The following KCNAB1 variants were observed in gnomAD, a reference collection of about 807,000 sequenced individuals.
KCNAB1 encodes voltage-gated potassium channel subunit beta-1.
KCNAB1 carries 35 observed loss-of-function variants against 64.6 expected under a neutral mutation model. That is an observed-to-expected ratio of 0.54 (90% CI 0.41 to 0.72). The LOEUF (loss-of-function observed/expected upper bound fraction) is 0.72, where lower values mean the gene tolerates loss of function less well. Ranked by LOEUF, KCNAB1 falls within the 30% of genes least tolerant of loss-of-function variation. The pLI is 0.00. For synonymous variants in KCNAB1, 177 were observed against 183.8 expected (o/e 0.96, Z 0.30); for missense variants, 401 against 512.9 (o/e 0.78, Z 2.11).
At chr3:156,125,132 C>T (rs1481954729) in intron 1 of KCNAB1, among the ~76,000 whole-genome samples, 1 of 148,562 alleles carries the variant, frequency 6.7e-6, no homozygotes, top group Non-Finnish European at 1.5e-5. Context: ...AGCAACACTC[C>T]ACTCAAAAAA....
chr3:156,474,765 C>T lies in KCNAB1; in HGVS notation c.603C>T (p.Leu201=), dbSNP rs78612334. Residue 201 remains leucine, a synonymous_variant, in exon 8 of 14, where the codon CTC becomes CTT. Transcript: ENST00000490337. ...AGGGCTCCCTCCAGAGGCTGCAGCTCGAGTATGTGGATGTGGTCTTTGCAA... is the reference window on the plus strand; with the variant it reads ...AGGGCTCCCTCCAGAGGCTGCAGCTTGAGTATGTGGATGTGGTCTTTGCAA... The part of the protein sequence containing the change: ...GLKGSLQRLQ[L]EYVDVVFANR... 102 of 1,613,216 alleles carry T rather than the reference C, an allele frequency of 6.3e-5. No homozygotes were observed. The highest frequency in any genetic ancestry group is 2.0e-4 in the African/African-American group (15 of 74,928).
At chr3:156,515,266 G>T (rs772787025) in intron 10 of KCNAB1, 46 bp downstream of exon 10, 1 of 1,548,892 alleles carries the variant, frequency 6.5e-7, no homozygotes, top group Non-Finnish European at 8.8e-7. Flanking sequence ...ACAAGAGAAA[G>T]ATCACTGATT....
chr3:156,204,282 A>T (rs551533921), intron 1 of KCNAB1, among the ~76,000 whole-genome samples: 1 of 152,176 alleles, frequency 6.6e-6, no homozygotes, highest in Non-Finnish European at 1.5e-5. Flanking sequence ...CCTCCTACTC[A>T]TCGCTGCATG....
intron 8 of KCNAB1, among the ~76,000 whole-genome samples, chr3:156,506,568 A>C (rs1333646314): frequency 3.3e-5 from 5 of 152,234 alleles, no homozygotes; most frequent in African/African-American, 1.2e-4. Flanking sequence ...GGGTAGCTAC[A>C]GGGTGGAGGA....
chr3:156,387,014 C>CTTTTT (rs1194708289), intron 1 of KCNAB1, among the ~76,000 whole-genome samples: 3 of 90,522 alleles, frequency 3.3e-5, no homozygotes, highest in Admixed American at 1.1e-4. Flanking sequence ...TTCTCTCTCT[C>CTTTTT]TTTTTTTTTT....
At chr3:156,252,253 G>C (rs141546700) in intron 1 of KCNAB1, among the ~76,000 whole-genome samples, 1 of 152,228 alleles carries the variant, frequency 6.6e-6, no homozygotes, top group Non-Finnish European at 1.5e-5. Context: ...CCTGGCACAC[G>C]CTTAATGTCA....
intron 1 of KCNAB1, among the ~76,000 whole-genome samples, chr3:156,342,177 C>T (rs764615909): frequency 2.0e-5 from 3 of 152,218 alleles, no homozygotes; most frequent in Non-Finnish European, 4.4e-5. Context: ...GGGGAAGCCA[C>T]ACTTCCTTTC....
chr3:156,431,715 G>A (rs986380104), intron 2 of KCNAB1, among the ~76,000 whole-genome samples: 2 of 152,218 alleles, frequency 1.3e-5, no homozygotes, highest in Non-Finnish European at 2.9e-5. Flanking sequence ...AAGCCAAGAC[G>A]TCAGCTCTAG....
Position 156,144,433 on chromosome 3 carries a change from T to G in KCNAB1, c.275+23547T>G, listed in dbSNP as rs138412909. 2.6e-5 allele frequency among the ~76,000 whole-genome samples: 4 copies of G among 152,340 alleles called. No homozygotes were observed. The East Asian group carries it at 7.7e-4, about 29-fold the overall frequency. On this transcript the variant is annotated intron_variant, in intron 1 of 13. Coordinates refer to ENST00000490337, the MANE Select transcript of KCNAB1 (RefSeq NM_172160.3). ...TGGCTCCTCTCTGGAGAGCAAAGTATTTTACACAGACTCTATGTAATAAAA... is the reference window on the plus strand; with the variant it reads ...TGGCTCCTCTCTGGAGAGCAAAGTAGTTTACACAGACTCTATGTAATAAAA...
At chr3:156,369,413 A>G (rs1018840579) in intron 1 of KCNAB1, among the ~76,000 whole-genome samples, 1 of 152,226 alleles carries the variant, frequency 6.6e-6, no homozygotes, top group African/African-American at 2.4e-5. Flanking sequence ...TCTTGTATGT[A>G]TCTTTCTGTA....
At chr3:156,437,047 T>C (rs1196249668) in intron 2 of KCNAB1, among the ~76,000 whole-genome samples, 1 of 152,250 alleles carries the variant, frequency 6.6e-6, no homozygotes, top group East Asian at 1.9e-4. Flanking sequence ...TTTTGGGTTT[T>C]ACATCAATGT....
At chr3:156,296,514 C>T (rs1409711644) in intron 1 of KCNAB1, among the ~76,000 whole-genome samples, 33 of 130,988 alleles carry the variant, frequency 2.5e-4, no homozygotes, top group Admixed American at 1.7e-4. Flanking sequence ...CGCTCTGTAG[C>T]GCAGGCTGGA....
At chr3:156,324,974 G>A (rs545839224) in intron 1 of KCNAB1, among the ~76,000 whole-genome samples, 6 of 152,178 alleles carry the variant, frequency 3.9e-5, no homozygotes, top group African/African-American at 1.4e-4. Flanking sequence ...GGCCTTATGA[G>A]GGTACAATTC....
At chr3:156,469,405 T>C (rs753656676) in intron 7 of KCNAB1, among the ~76,000 whole-genome samples, 190 of 152,058 alleles carry the variant, frequency 1.2e-3, no homozygotes, top group Non-Finnish European at 2.3e-3. Context: ...TACAGTCATG[T>C]GCCACCGTGC....
intron 1 of KCNAB1, among the ~76,000 whole-genome samples, chr3:156,297,784 T>G (rs548441943): frequency 6.6e-6 from 1 of 151,642 alleles, no homozygotes; most frequent in East Asian, 1.9e-4. Context: ...GCGCGTGTGC[T>G]CGTGTGCGTG....
chr3:156,401,520 G>A (rs1713887907), intron 1 of KCNAB1, among the ~76,000 whole-genome samples: 1 of 151,810 alleles, frequency 6.6e-6, no homozygotes, highest in African/African-American at 2.4e-5. Context: ...AAATGTGGCT[G>A]TTCTGGCCCC....
chr3:156,380,752 G>A (rs919611329), intron 1 of KCNAB1, among the ~76,000 whole-genome samples: 2 of 152,084 alleles, frequency 1.3e-5, no homozygotes, highest in African/African-American at 2.4e-5. Context: ...TCCCTGAAAC[G>A]TATTAAACAT....
At chr3:156,408,044 C>G (rs536472395) in intron 1 of KCNAB1, among the ~76,000 whole-genome samples, 4 of 150,902 alleles carry the variant, frequency 2.7e-5, no homozygotes, top group Non-Finnish European at 5.9e-5. Flanking sequence ...TGGAAGGTGA[C>G]GGGGGAGGGG....
At chr3:156,482,845 G>A (rs1221138422) in intron 8 of KCNAB1, among the ~76,000 whole-genome samples, 1 of 152,050 alleles carries the variant, frequency 6.6e-6, no homozygotes, top group Non-Finnish European at 1.5e-5. Flanking sequence ...TGTTTGTATA[G>A]TACTGCTGTA....
Sources: allele counts gnomAD v4.1 joint callset (sites outside exome capture counted in the v4.1 genomes callset), GRCh38; gene constraint gnomAD v4.1.1; transcripts MANE v1.5; gene names NCBI Gene and HGNC (gene_info 2026-07-23, HGNC 2026-07-21).